The following CTNNA2 variants were observed in gnomAD, a reference collection of about 807,000 sequenced individuals.
CTNNA2 encodes catenin alpha 2.
CTNNA2 carries 42 observed loss-of-function variants against 101.0 expected under a neutral mutation model. The ratio of observed to expected loss-of-function variants is 0.42; its 90% CI spans 0.32 to 0.54. CTNNA2 has a LOEUF of 0.54. Among genes scored for constraint, CTNNA2 ranks in the 20% least tolerant of loss-of-function variants. CTNNA2 has a pLI of 0.14. For missense variants in CTNNA2, 871 were observed against 1,223.1 expected, an observed-to-expected ratio of 0.71 and a Z score of 4.29; for synonymous variants, 450 against 456.4, an observed-to-expected ratio of 0.99 and a Z score of 0.18.
intron 1 of CTNNA2, among the ~76,000 whole-genome samples, chr2:79,637,188 A>T (rs1339268354): frequency 3.3e-5 from 5 of 152,056 alleles, no homozygotes; most frequent in Admixed American, 6.6e-5. Context: ...GGATATATAT[A>T]TTTTTTATTT....
At chr2:80,320,933 G>A (rs1045566932) in intron 7 of CTNNA2, among the ~76,000 whole-genome samples, 1 of 152,150 alleles carries the variant, frequency 6.6e-6, no homozygotes, top group African/African-American at 2.4e-5. Context: ...TTTCATTAGG[G>A]TGGTGATGTC....
intron 1 of CTNNA2, among the ~76,000 whole-genome samples, chr2:79,627,858 A>G (rs1679421762): frequency 6.6e-6 from 1 of 152,186 alleles, no homozygotes; most frequent in Non-Finnish European, 1.5e-5. Flanking sequence ...TTGATGCCTT[A>G]AAAGTATACT....
intron 9 of CTNNA2, among the ~76,000 whole-genome samples, chr2:80,420,034 G>GGAAA: frequency 2.7e-5 from 1 of 37,518 alleles, no homozygotes; most frequent in Non-Finnish European, 6.0e-5. Flanking sequence ...GGGAACTTGT[G>GGAAA]AAAAAAAAAA....
At position 80,469,362 on chromosome 2, in the gene CTNNA2, G is replaced by A. The variant is rs575134345; in HGVS notation, c.1290+49761G>A. Among the ~76,000 whole-genome samples the A allele has an allele frequency of 2.6e-4, 40 of 152,328 alleles. 1 individual carries two copies. The South Asian group carries it at 4.1e-3, about 16-fold the overall frequency. On this transcript the variant is annotated intron_variant, in intron 9 of 18. Coordinates refer to ENST00000402739, the MANE Select transcript of CTNNA2 (RefSeq NM_001282597.3). ...CTCCCAGTGTGACTGATGGAAAGCC[G>A]TGTTTCTGGCAGGTTGGAGGCTGCT...
intron 7 of CTNNA2, among the ~76,000 whole-genome samples, chr2:80,387,957 T>C (rs1677165711): frequency 6.6e-6 from 1 of 152,220 alleles, no homozygotes; most frequent in African/African-American, 2.4e-5. Flanking sequence ...ATTTATTAAA[T>C]GGCTATGTCT....
chr2:79,950,510 G>A (rs765746853), intron 7 of CTNNA2, among the ~76,000 whole-genome samples: 13 of 152,136 alleles, frequency 8.5e-5, no homozygotes, highest in Non-Finnish European at 1.2e-4. Flanking sequence ...TGACTTTACG[G>A]CAGGCCTTAC....
chr2:80,588,342 CT>C (rs2149733659), intron 14 of CTNNA2, among the ~76,000 whole-genome samples: 1 of 152,280 alleles, frequency 6.6e-6, no homozygotes, highest in East Asian at 1.9e-4. Flanking sequence ...ATTAAATAGA[CT>C]GCAAAAAGTA....
intron 15 of CTNNA2, among the ~76,000 whole-genome samples, chr2:80,599,863 T>C (rs1347006206): frequency 6.6e-6 from 1 of 152,110 alleles, no homozygotes; most frequent in East Asian, 1.9e-4. Context: ...CATGCTGGTG[T>C]GCTGCACCCA....
chr2:79,612,139 G>A (rs1190376621), intron 1 of CTNNA2, among the ~76,000 whole-genome samples: 2 of 152,122 alleles, frequency 1.3e-5, no homozygotes, highest in Non-Finnish European at 2.9e-5. Flanking sequence ...CAAGTTTATG[G>A]GTTAGTAGCC....
chr2:80,118,127 C>T (rs1483055259), intron 7 of CTNNA2, among the ~76,000 whole-genome samples: 1 of 147,482 alleles, frequency 6.8e-6, no homozygotes, highest in East Asian at 1.9e-4. Flanking sequence ...ATCTGTGTTC[C>T]TTGTTTTGAA....
chr2:79,484,872 C>T (rs1226550494), intron 4 of CTNNA2, among the ~76,000 whole-genome samples: 1 of 152,164 alleles, frequency 6.6e-6, no homozygotes, highest in Non-Finnish European at 1.5e-5. Context: ...TCTGTGATTT[C>T]TCCTAATGAG....
intron 2 of CTNNA2, among the ~76,000 whole-genome samples, chr2:79,310,260 A>G (rs1676337349): frequency 6.6e-6 from 1 of 152,238 alleles, no homozygotes; most frequent in Admixed American, 6.5e-5. Flanking sequence ...TGGTGATAAT[A>G]AAATATTTGG....
At chr2:79,408,610 C>G (rs1224052769) in intron 4 of CTNNA2, among the ~76,000 whole-genome samples, 1 of 151,960 alleles carries the variant, frequency 6.6e-6, no homozygotes, top group Non-Finnish European at 1.5e-5. Flanking sequence ...CAATTTCATC[C>G]ATGTCCCTAC....
At chr2:79,930,338 AAGAAAGAAAG>A (rs1295402139) in intron 7 of CTNNA2, among the ~76,000 whole-genome samples, 10 of 146,728 alleles carry the variant, frequency 6.8e-5, no homozygotes, top group Non-Finnish European at 8.9e-5. Flanking sequence ...GAAAGAAAGA[AAGAAAGAAAG>A]AAAGAAAGAA....
rs139006162 is a variant in CTNNA2 at position 80,185,990 on chromosome 2, C to G, written c.1057-207221C>G. Among the ~76,000 whole-genome samples, 20 of 152,304 alleles carry G rather than the reference C, an allele frequency of 1.3e-4. No homozygotes were observed. The East Asian group carries it at 3.9e-3, about 29-fold the overall frequency. ...GATGTTGAACACATTTATGAAATGT[C>G]TGTGAGCCAATTGTTGTGGAGATTA... On this transcript the variant is annotated intron_variant, in intron 7 of 18. Transcript: ENST00000402739.
chr2:79,506,987 A>G (rs995670055), intron 5 of CTNNA2, among the ~76,000 whole-genome samples: 2 of 152,196 alleles, frequency 1.3e-5, no homozygotes, highest in East Asian at 1.9e-4. Flanking sequence ...CTATTCAGTT[A>G]GCTTGGGTCT....
intron 8 of CTNNA2, among the ~76,000 whole-genome samples, chr2:80,416,096 C>G (rs1390652807): frequency 1.3e-5 from 2 of 151,894 alleles, no homozygotes; most frequent in African/African-American, 4.8e-5. Flanking sequence ...AGGGTACAAA[C>G]TTTAAGTTAT....
intron 2 of CTNNA2, among the ~76,000 whole-genome samples, chr2:79,686,153 G>A (rs947631452): frequency 6.6e-6 from 1 of 152,026 alleles, no homozygotes; most frequent in Non-Finnish European, 1.5e-5. Context: ...CCCATTGCAG[G>A]GAAAGTCATG....
chr2:79,709,659 G>A (rs1390144730), intron 2 of CTNNA2, among the ~76,000 whole-genome samples: 1 of 152,090 alleles, frequency 6.6e-6, no homozygotes, highest in East Asian at 1.9e-4. Context: ...ACTGCAGTAT[G>A]CCAGACCTCA....
Sources: allele counts gnomAD v4.1 joint callset (sites outside exome capture counted in the v4.1 genomes callset), GRCh38; gene constraint gnomAD v4.1.1; transcripts MANE v1.5; gene names NCBI Gene and HGNC (gene_info 2026-07-23, HGNC 2026-07-21).